The following BZW2 variants were observed in gnomAD, a reference collection of about 807,000 sequenced individuals.
BZW2 encodes eIF5-mimic protein 1.
In BZW2, 23 loss-of-function variants were observed where a neutral mutation model predicts 53.2. The ratio of observed to expected loss-of-function variants is 0.43; its 90% CI spans 0.31 to 0.61. The LOEUF (loss-of-function observed/expected upper bound fraction) is 0.61, where lower values mean the gene tolerates loss of function less well. Ranked by LOEUF, BZW2 falls within the 20% of genes least tolerant of loss-of-function variation. The pLI, the probability that BZW2 is intolerant of heterozygous loss-of-function variation, is 0.09. For synonymous variants in BZW2, 227 were observed against 186.4 expected (o/e 1.22, Z -1.77); for missense variants, 409 against 503.1 (o/e 0.81, Z 1.79).
At chr7:16,659,745 A>C (rs1392988907) in intron 1 of BZW2, among the ~76,000 whole-genome samples, 1 of 152,134 alleles carries the variant, frequency 6.6e-6, no homozygotes, top group Admixed American at 6.5e-5. Context: ...ACTGCAGTGA[A>C]GTGTCTCAAT....
chr7:16,653,494 CCTG>C (rs1782039061), intron 1 of BZW2, among the ~76,000 whole-genome samples: 2 of 152,152 alleles, frequency 1.3e-5, no homozygotes, highest in Admixed American at 1.3e-4. Context: ...ATTTTCATCT[CCTG>C]GTTCTCCTCA....
chr7:16,662,353 T>C (rs1199775591), intron 1 of BZW2: 1 of 152,192 alleles, frequency 6.6e-6, no homozygotes, highest in African/African-American at 2.4e-5. Context: ...CCACATGGAA[T>C]GTATCGAGGG....
At chr7:16,648,137 A>T (rs1246906432) in intron 1 of BZW2, among the ~76,000 whole-genome samples, 1 of 152,212 alleles carries the variant, frequency 6.6e-6, no homozygotes, top group Admixed American at 6.5e-5. Context: ...CATTAGATGG[A>T]TTGATTACAT....
intron 3 of BZW2, among the ~76,000 whole-genome samples, chr7:16,677,051 CTTTTTTT>C (rs10660587): frequency 0.013 from 1,740 of 130,076 alleles, 32 homozygotes; most frequent in African/African-American, 0.044. Context: ...GCCCAGATTT[CTTTTTTT>C]TTTTTTTTTT....
chr7:16,669,342 G>A (rs1378627844), intron 2 of BZW2, among the ~76,000 whole-genome samples: 3 of 151,928 alleles, frequency 2.0e-5, no homozygotes, highest in Non-Finnish European at 2.9e-5. Context: ...GCTCAGGTTC[G>A]TCTCAGAACG....
intron 5 of BZW2, 26 bp from the exon 6 acceptor site, chr7:16,685,876 CTTT>C (rs34699573): frequency 0.02 from 24,025 of 1,212,534 alleles, no homozygotes; most frequent in East Asian, 0.032. Flanking sequence ...TTTTCTTTTT[CTTT>C]TTTTTTTTTT....
intron 1 of BZW2, among the ~76,000 whole-genome samples, chr7:16,660,021 C>T (rs1414517255): frequency 6.6e-6 from 1 of 151,484 alleles, no homozygotes; most frequent in Admixed American, 6.6e-5. Flanking sequence ...CACAACAGGC[C>T]CCTTCCTGTG....
rs544737356 is a variant in BZW2 at position 16,663,327 on chromosome 7, A to G, written c.-7-2110A>G. On this transcript the variant is annotated intron_variant, in intron 1 of 11. Coordinates refer to ENST00000258761, the MANE Select transcript of BZW2 (RefSeq NM_014038.3). ...TTTATCCTTCCTAGTGAGTTTCTCGAGGGCATGGATTCTGGCTTAATAACC... is the reference window on the plus strand; with the variant it reads ...TTTATCCTTCCTAGTGAGTTTCTCGGGGGCATGGATTCTGGCTTAATAACC... Among the ~76,000 whole-genome samples the G allele has an allele frequency of 2.2e-4, 33 of 152,268 alleles. 1 individual carries two copies. Among genetic ancestry groups the G allele is most frequent in the African/African-American group, 7.9e-4 (33 of 41,558 alleles).
chr7:16,665,593 C>T, intron 2 of BZW2, 92 bp downstream of exon 2: 2 of 1,546,014 alleles, frequency 1.3e-6, no homozygotes, highest in Non-Finnish European at 1.8e-6. Context: ...TTCCCCCAGC[C>T]TCACTGATTC....
intron 5 of BZW2, 42 bp from the exon 6 acceptor site, chr7:16,685,863 T>G: frequency 6.8e-7 from 1 of 1,476,856 alleles, no homozygotes; most frequent in Non-Finnish European, 8.9e-7. Flanking sequence ...CCTTTTTTTT[T>G]CTTTTTCTTT....
chr7:16,672,023 T>A (rs1782617357), intron 2 of BZW2, among the ~76,000 whole-genome samples: 1 of 152,062 alleles, frequency 6.6e-6, no homozygotes. Context: ...CTGTGTCTGG[T>A]ATTTCTGTTG....
chr7:16,667,571 C>T (rs1006211564), intron 2 of BZW2, among the ~76,000 whole-genome samples: 15 of 152,072 alleles, frequency 9.9e-5, no homozygotes, highest in South Asian at 2.1e-4. Context: ...AGTCTAGTCA[C>T]GTAGACGGAA....
chr7:16,646,762 C>G (rs1310557387), intron 1 of BZW2, among the ~76,000 whole-genome samples: 2 of 152,218 alleles, frequency 1.3e-5, no homozygotes, highest in African/African-American at 4.8e-5. Context: ...CTTGTCATCT[C>G]TTTGGCCTCT....
chr7:16,690,207 C>CTT (rs541086435), intron 7 of BZW2, among the ~76,000 whole-genome samples: 9 of 145,860 alleles, frequency 6.2e-5, no homozygotes, highest in Admixed American at 2.1e-4. Flanking sequence ...AACTTTTTTA[C>CTT]TTTTTTTTTT....
chr7:16,663,189 A>G (rs1782319023), intron 1 of BZW2, among the ~76,000 whole-genome samples: 1 of 152,204 alleles, frequency 6.6e-6, no homozygotes, highest in South Asian at 2.1e-4. Flanking sequence ...ATTTGTAATG[A>G]TTTCGATATG....
intron 5 of BZW2, among the ~76,000 whole-genome samples, chr7:16,685,119 G>C: frequency 6.6e-6 from 1 of 152,208 alleles, no homozygotes; most frequent in Non-Finnish European, 1.5e-5. Context: ...GCACAAAGCA[G>C]AGGAGAGTCA....
intron 1 of BZW2, among the ~76,000 whole-genome samples, chr7:16,660,085 T>G (rs1782215188): frequency 6.6e-6 from 1 of 151,942 alleles, no homozygotes; most frequent in East Asian, 1.9e-4. Context: ...ATGCGGTGTT[T>G]GGTTTTTTGT....
rs1782391606 is a variant in BZW2 at position 16,665,374 on chromosome 7, C to T, written c.-7-63C>T. The stretch of plus-strand genomic sequence containing the variant: ...ACATATGTTCAACCAAACTTATTGG[C>T]CATATGTTTTCCATATAAACTGCTT... On this transcript the variant is annotated intron_variant, in intron 1 of 11. Coordinates refer to ENST00000258761, the MANE Select transcript of BZW2 (RefSeq NM_014038.3). The T allele has an allele frequency of 2.5e-6, 4 of 1,586,234 alleles. No individual in the cohort carries two copies. The Admixed American group carries it at 6.7e-5, about 27-fold the overall frequency.
intron 1 of BZW2, among the ~76,000 whole-genome samples, chr7:16,653,038 G>A (rs963063498): frequency 3.8e-4 from 57 of 149,944 alleles, no homozygotes; most frequent in African/African-American, 1.3e-3. Context: ...GTAACTTTGT[G>A]TGTGTGTGTG....
Sources: gnomAD v4.1 joint callset for allele counts (sites outside exome capture counted in the v4.1 genomes callset) on GRCh38, gnomAD v4.1.1 for gene constraint, MANE v1.5 for transcripts, NCBI Gene and HGNC (gene_info 2026-07-23, HGNC 2026-07-21) for gene names.